The following PLA2R1 variants were observed in gnomAD, a reference collection of about 807,000 sequenced individuals.
The protein encoded by PLA2R1 is phospholipase A2 receptor 1.
In PLA2R1, 158 loss-of-function variants were observed where a neutral mutation model predicts 195.9. The ratio of observed to expected loss-of-function variants is 0.81; its 90% CI spans 0.71 to 0.92. The LOEUF is 0.92. Ranked by LOEUF, PLA2R1 falls within the 40% of genes least tolerant of loss-of-function variation. The pLI is 0.00. For missense variants in PLA2R1, 1,626 were observed against 1,764.6 expected, an observed-to-expected ratio of 0.92 and a Z score of 1.41; for synonymous variants, 586 against 598.2, an observed-to-expected ratio of 0.98 and a Z score of 0.30.
intron 25 of PLA2R1, among the ~76,000 whole-genome samples, chr2:159,948,127 G>A (rs773893008): frequency 3.9e-5 from 6 of 152,128 alleles, no homozygotes; most frequent in African/African-American, 9.7e-5. Flanking sequence ...CTGAGATCCC[G>A]GCTCCACCAC....
chr2:159,998,980 A>C (rs2105367393), intron 11 of PLA2R1, among the ~76,000 whole-genome samples: 1 of 152,254 alleles, frequency 6.6e-6, no homozygotes, highest in African/African-American at 2.4e-5. Context: ...CATATGTGAT[A>C]GTATTAAGAG....
chr2:159,976,046 G>C, intron 17 of PLA2R1, 22 bp downstream of exon 17: 5 of 1,592,812 alleles, frequency 3.1e-6, no homozygotes, highest in Non-Finnish European at 3.4e-6. Flanking sequence ...TGAATTTTTC[G>C]TGGTGAGTTA....
At position 160,032,902 on chromosome 2, in the gene PLA2R1, C is replaced by G. The variant is rs1043033735; in HGVS notation, c.841+57G>C. 5 of 1,192,866 alleles carry G rather than the reference C, an allele frequency of 4.2e-6. No homozygotes were observed. The African/African-American group carries it at 7.8e-5, about 19-fold the overall frequency. The allele number at this position is 1,192,866 out of a possible 1,614,324, so 73.9% of individuals were successfully genotyped here. ...GAATATATTTTTGTATATGTGAAAA[C>G]AGTTAACAACCATCTTTTATTGTAT... On this transcript the variant is annotated intron_variant, in intron 4 of 29. Coordinates refer to ENST00000283243, the MANE Select transcript of PLA2R1 (RefSeq NM_007366.5).
intron 20 of PLA2R1, among the ~76,000 whole-genome samples, chr2:159,965,935 G>T (rs1688758670): frequency 6.6e-6 from 1 of 152,180 alleles, no homozygotes; most frequent in Non-Finnish European, 1.5e-5. Context: ...GCATAGGAAA[G>T]GGGCAAGACC....
chr2:160,002,067 A>T (rs1176979390), intron 11 of PLA2R1, among the ~76,000 whole-genome samples: 1 of 151,794 alleles, frequency 6.6e-6, no homozygotes, highest in Admixed American at 6.6e-5. Flanking sequence ...CCATAATACC[A>T]ACTTTGTATT....
At chr2:159,976,028 C>T (rs776772067) in intron 17 of PLA2R1, 40 bp downstream of exon 17, 8 of 1,522,878 alleles carry the variant, frequency 5.3e-6, no homozygotes, top group South Asian at 2.3e-5. Flanking sequence ...AAAGAAGGTG[C>T]TAAACTCTGA....
intron 9 of PLA2R1, 77 bp downstream of exon 9, chr2:160,016,537 C>A: frequency 2.7e-6 from 2 of 734,804 alleles, no homozygotes; most frequent in Non-Finnish European, 4.9e-6. Context: ...AAGAGAAATT[C>A]ACTTCAAATT....
chr2:159,942,569 T>C, intron 28 of PLA2R1, among the ~76,000 whole-genome samples: 1 of 152,220 alleles, frequency 6.6e-6, no homozygotes, highest in Admixed American at 6.5e-5. Context: ...CTCACAGTTT[T>C]GTTGGGATCT....
chr2:160,056,126 G>C (rs1000047314), intron 1 of PLA2R1, among the ~76,000 whole-genome samples: 1 of 152,092 alleles, frequency 6.6e-6, no homozygotes, highest in Admixed American at 6.6e-5. Flanking sequence ...CCCACTGCAG[G>C]TTGTGGCCCA....
chr2:160,013,666 CCTCTCTCTTTCTCT>C (rs1226467967), intron 9 of PLA2R1, among the ~76,000 whole-genome samples: 6 of 95,006 alleles, frequency 6.3e-5, no homozygotes, highest in African/African-American at 1.6e-4. Context: ...AAGATCTCTA[CCTCTCTCTTTCTCT>C]CTCTCTCTCT....
At chr2:160,052,269 T>C (rs1281627559) in intron 1 of PLA2R1, among the ~76,000 whole-genome samples, 2 of 152,192 alleles carry the variant, frequency 1.3e-5, no homozygotes, top group Admixed American at 1.3e-4. Flanking sequence ...AGGCTTCAAA[T>C]TGTCTGTTAC....
In PLA2R1 at chr2:159,947,554, T is replaced by C. The variant is rs1457544757; in HGVS notation, c.3715A>G (p.Arg1239Gly). The change falls in exon 26 of 30, where the codon AGA becomes GGA. Residue 1239 changes from arginine to glycine, a missense_variant. Arg to Gly is a moderately radical substitution (Grantham distance 125). Transcript: ENST00000283243. Reference sequence around the variant, plus strand: ...CACAACTCTGGGTGTTCAGATTGTCTTGTTTCTGTGAAGAAAAGCCAGTTA... The same window carrying C: ...CACAACTCTGGGTGTTCAGATTGTCCTGTTTCTGTGAAGAAAAGCCAGTTA... ...GAICHVPPET[R>G]QSEHPELCSE... The C allele has an allele frequency of 5.6e-6, 9 of 1,612,878 alleles. No individual in the cohort carries two copies. Among genetic ancestry groups the C allele is most frequent in the Non-Finnish European group, 7.6e-6 (9 of 1,179,552 alleles).
chr2:160,005,893 A>G, intron 10 of PLA2R1, 72 bp from the exon 11 acceptor site: 1 of 1,017,432 alleles, frequency 9.8e-7, no homozygotes, highest in Admixed American at 1.8e-5. Context: ...AAGCATAATG[A>G]AGTGCACAGA....
chr2:160,026,235 C>G (rs1693517190), intron 6 of PLA2R1, among the ~76,000 whole-genome samples: 2 of 152,114 alleles, frequency 1.3e-5, no homozygotes, highest in African/African-American at 2.4e-5. Context: ...ACAATGAAAG[C>G]AGAGTGTTGG....
chr2:160,004,537 C>T (rs1448400388), intron 11 of PLA2R1, among the ~76,000 whole-genome samples: 3 of 152,138 alleles, frequency 2.0e-5, no homozygotes, highest in African/African-American at 7.2e-5. Flanking sequence ...ATATAGAGCT[C>T]TGAGGATGGA....
chr2:160,040,339 A>C (rs1694448925), intron 3 of PLA2R1, among the ~76,000 whole-genome samples: 1 of 152,134 alleles, frequency 6.6e-6, no homozygotes, highest in South Asian at 2.1e-4. Flanking sequence ...ATATCAGCAG[A>C]GAGCCTCTGG....
rs201306046 is a variant in PLA2R1 at position 160,022,798 on chromosome 2, A to G, written c.1161T>C (p.Arg387=). 6.2e-7 allele frequency: 1 copy of G among 1,613,772 alleles called. No individual in the cohort carries two copies. The highest frequency in any genetic ancestry group is 2.2e-5 in the East Asian group (1 of 44,888). The change falls in exon 7 of 30, where the codon CGT becomes CGC. Residue 387 remains arginine (R), a synonymous_variant. Transcript: ENST00000283243. Reference sequence around the variant, plus strand: ...CTTCTTTCTGAAGTTTGTAGCAATTACGATTGTAGGGATTCCAGCCAGGCT... The same window carrying G: ...CTTCTTTCTGAAGTTTGTAGCAATTGCGATTGTAGGGATTCCAGCCAGGCT... ...HCEPGWNPYN[R]NCYKLQKEEK... is the part of the protein sequence containing the mutation.
At chr2:159,955,564 A>C in intron 22 of PLA2R1, 134 bp downstream of exon 22, 1 of 390,314 alleles carries the variant, frequency 2.6e-6, no homozygotes, top group Non-Finnish European at 4.4e-6. Flanking sequence ...TTACATTAAA[A>C]ATTAATATAT....
intron 13 of PLA2R1, among the ~76,000 whole-genome samples, chr2:159,983,535 G>A (rs1363654311): frequency 2.0e-5 from 3 of 150,552 alleles, no homozygotes; most frequent in Non-Finnish European, 4.4e-5. Flanking sequence ...GGTCAGAGCC[G>A]CTCTGGTGAG....
Sources: gnomAD v4.1 joint callset for allele counts (sites outside exome capture counted in the v4.1 genomes callset) on GRCh38, gnomAD v4.1.1 for gene constraint, MANE v1.5 for transcripts, NCBI Gene and HGNC (gene_info 2026-07-23, HGNC 2026-07-21) for gene names.